Variants in PAICS observed in about 807,000 individuals in gnomAD.
PAICS encodes bifunctional phosphoribosylaminoimidazole carboxylase/phosphoribosylaminoimidazole succinocarboxamide synthetase.
Under a neutral mutation model 53.7 loss-of-function variants are expected in PAICS, and 33 were observed. The ratio of observed to expected loss-of-function variants is 0.61; its 90% confidence interval spans 0.47 to 0.82. The LOEUF (loss-of-function observed/expected upper bound fraction) is 0.82. PAICS is among the 40% of genes least tolerant of loss of function. The probability of loss-of-function intolerance (pLI) is 0.00; values close to 1 mark genes in which losing one functional copy is unlikely to be tolerated. For synonymous variants in PAICS, 141 were observed against 167.2 expected, an observed-to-expected ratio of 0.84 and a Z score of 1.21; for missense variants, 394 against 494.1, an observed-to-expected ratio of 0.80 and a Z score of 1.92.
the PAICS span, chr4:56,420,397 C>T: frequency 6.6e-6 from 1 of 152,154 alleles, no homozygotes; most frequent in Admixed American, 6.5e-5. Context: ...TGTAGCATTT[C>T]AGATTTCATA....
At chr4:56,410,810 G>A in the PAICS span, 2 of 977,400 alleles carry the variant, frequency 2.0e-6, no homozygotes, top group Non-Finnish European at 2.4e-6. Context: ...CCTGCAGTAT[G>A]AACCTGCCAC....
chr4:56,423,628 G>A, the PAICS span, among the ~76,000 whole-genome samples: 1 of 151,522 alleles, frequency 6.6e-6, no homozygotes, highest in Admixed American at 6.6e-5. Context: ...TTTTTTACAT[G>A]TAGAAGAAAA....
At chr4:56,457,108 C>G (rs1292483624) in intron 8 of PAICS, among the ~76,000 whole-genome samples, 1 of 152,074 alleles carries the variant, frequency 6.6e-6, no homozygotes, top group Non-Finnish European at 1.5e-5. Context: ...TCAAAGACGC[C>G]AAGACTGAAG....
rs1352313916 is a variant in PAICS at position 56,448,465 on chromosome 4, T to C, written c.441T>C (p.Ala147=). ...AGTGGTCTGAGGAACAGCTGATTGC[T>C]GCAAAATTTTGCTTTGCTGGACTTC... ...DPQWSEEQLI[A]AKFCFAGLLI... Residue 147 remains alanine (A), a synonymous_variant, in exon 4 of 9, where the codon GCT becomes GCC. Transcript: ENST00000512576. The C allele has an allele frequency of 6.2e-7, 1 of 1,612,076 alleles. No homozygotes were observed. Among genetic ancestry groups the C allele is most frequent in the South Asian group, 1.1e-5 (1 of 90,832 alleles).
At chr4:56,456,083 T>G (rs544722192) in intron 8 of PAICS, among the ~76,000 whole-genome samples, 1 of 152,312 alleles carries the variant, frequency 6.6e-6, no homozygotes, top group South Asian at 2.1e-4. Context: ...ATTCCAACCC[T>G]TCTATTGAGT....
At chr4:56,436,793 G>C (rs1478651581) in intron 1 of PAICS, among the ~76,000 whole-genome samples, 2 of 152,154 alleles carry the variant, frequency 1.3e-5, no homozygotes, top group African/African-American at 4.8e-5. Flanking sequence ...TCAGTAGTAC[G>C]AGACCAGCCT....
the PAICS span, among the ~76,000 whole-genome samples, chr4:56,426,865 C>G: frequency 6.6e-6 from 1 of 152,198 alleles, no homozygotes; most frequent in Non-Finnish European, 1.5e-5. Flanking sequence ...TCATTCCAAA[C>G]TGAAACTTCT....
chr4:56,435,469 C>G, upstream of PAICS: 1 of 1,613,646 alleles, frequency 6.2e-7, no homozygotes, highest in Non-Finnish European at 8.5e-7. Flanking sequence ...CCAACTCCTC[C>G]AGCTCCATGT....
the PAICS span, among the ~76,000 whole-genome samples, chr4:56,423,945 A>T: frequency 6.6e-6 from 1 of 152,214 alleles, no homozygotes; most frequent in East Asian, 1.9e-4. Flanking sequence ...CGTAGTATTG[A>T]GGTATAAAAA....
At chr4:56,452,242 C>G (rs1286109407) in intron 7 of PAICS, among the ~76,000 whole-genome samples, 190 bp downstream of exon 7, 1 of 152,022 alleles carries the variant, frequency 6.6e-6, no homozygotes, top group East Asian at 1.9e-4. Flanking sequence ...ACAGTGGCGC[C>G]ATCTCAGCTC....
chr4:56,450,656 TC>T lies in PAICS; in HGVS notation c.727del (p.Gln243LysfsTer3). 1 of 1,547,852 alleles carries T rather than the reference TC, an allele frequency of 6.5e-7. No individual in the cohort carries two copies. The highest frequency in any genetic ancestry group is 1.4e-5 in the African/African-American group (1 of 73,330). ...RDLKEVTPEG[L>X]QMVKKNFEWV... ...CTCAAAGAAGTAACTCCTGAAGGGC[TC>T]CAAATGGTAAAGAAAAACTTTGAGT... On this transcript the variant is annotated frameshift_variant, in exon 6 of 9. Transcript: ENST00000512576. LOFTEE classifies it high-confidence loss of function.
chr4:56,448,720 G>T lies in PAICS; in HGVS notation c.584G>T (p.Gly195Val). 1 of 1,581,176 alleles carries T rather than the reference G, an allele frequency of 6.3e-7. No homozygotes were observed. The highest frequency in any genetic ancestry group is 8.6e-7 in the Non-Finnish European group (1 of 1,157,688). The change falls in exon 5 of 9, where the codon GGT (glycine) becomes GTT (valine). Residue 195 changes from glycine (G) to valine (V), a missense_variant. Around this residue, in one of 3 missense-constraint regions of PAICS, gnomAD observed 131 missense variants for 205.5 expected, o/e 0.64. Coordinates refer to ENST00000512576, the MANE Select transcript of PAICS (RefSeq NM_001079524.2). ...CTLVDMKIEF[G>V]VDVTTKEIVL... Reference sequence around the variant, plus strand: ...ACATGCTGTTTCCAGATTGAATTTGGTGTTGATGTAACCACCAAAGAAATT... The same window carrying T: ...ACATGCTGTTTCCAGATTGAATTTGTTGTTGATGTAACCACCAAAGAAATT...
intron 8 of PAICS, among the ~76,000 whole-genome samples, chr4:56,457,716 A>G (rs1719295276): frequency 6.7e-6 from 1 of 148,800 alleles, no homozygotes; most frequent in Admixed American, 6.7e-5. Context: ...CCCAGGCTAG[A>G]ATGCAATGGC....
At chr4:56,413,226 C>T in the PAICS span, among the ~76,000 whole-genome samples, 2 of 152,172 alleles carry the variant, frequency 1.3e-5, no homozygotes, top group African/African-American at 4.8e-5. Context: ...GTGGTGCAAT[C>T]TCAGCTCACA....
At chr4:56,440,305 T>C (rs1718271273) in intron 1 of PAICS, among the ~76,000 whole-genome samples, 1 of 152,228 alleles carries the variant, frequency 6.6e-6, no homozygotes, top group Admixed American at 6.5e-5. Context: ...TTTTAAACCA[T>C]GTTAATGAGT....
the PAICS span, chr4:56,414,415 C>T: frequency 6.6e-6 from 1 of 152,244 alleles, no homozygotes; most frequent in South Asian, 2.1e-4. Flanking sequence ...GCTTCATCTT[C>T]TGCTAAATCT....
At chr4:56,435,222 C>A (rs911545955), upstream of PAICS, 6 of 1,369,098 alleles carry the variant, frequency 4.4e-6, no homozygotes, top group African/African-American at 2.9e-5. Context: ...ACGCCACAGG[C>A]AGGTACTGGC....
At position 56,462,484 on chromosome 4, in the gene PAICS, T is replaced by A. The variant is rs1284051258; in HGVS notation, c.*2946T>A. On this transcript the variant is annotated 3_prime_UTR_variant, in exon 9 of 9. Coordinates refer to ENST00000512576, the MANE Select transcript of PAICS (RefSeq NM_001079524.2). ...GAGAAGCAGAGATTAGTTAAGAGGC[T>A]ATTGTAGCCCAGGTGAGGGATGATG... The A allele has an allele frequency of 1.3e-5, 2 of 152,248 alleles. No individual in the cohort carries two copies. The highest frequency in any genetic ancestry group is 2.9e-5 in the Non-Finnish European group (2 of 68,042). 9.4% of individuals were successfully genotyped at this position (152,248 alleles called of 1,614,324 possible).
the PAICS span, chr4:56,419,947 T>C: frequency 1.2e-5 from 12 of 984,052 alleles, no homozygotes; most frequent in African/African-American, 1.9e-4. Context: ...TTGGATGCTA[T>C]TCTGGGACCC....
Sources: gnomAD v4.1 joint callset for allele counts (sites outside exome capture counted in the v4.1 genomes callset) on GRCh38, gnomAD v4.1.1 for gene constraint, gnomAD v4.1.1 regional missense constraint, MANE v1.5 for transcripts, NCBI Gene and HGNC (gene_info 2026-07-23, HGNC 2026-07-21) for gene names.